The following ZNF460 variants were observed in gnomAD, a reference collection of about 807,000 sequenced individuals.
ZNF460 encodes zinc finger protein 272.
In ZNF460, 1 loss-of-function variant was observed where a neutral mutation model predicts 8.4. The observed-to-expected ratio is 0.12, with a 90% CI of 0.04 to 0.56. The LOEUF is 0.56. Ranked by LOEUF, ZNF460 falls within the 20% of genes least tolerant of loss-of-function variation. The probability of loss-of-function intolerance (pLI) is 0.91; values close to 1 mark genes in which losing one functional copy is unlikely to be tolerated. For synonymous variants in ZNF460, 262 were observed against 259.9 expected, an observed-to-expected ratio of 1.01 and a Z score of -0.08; for missense variants, 477 against 714.8, an observed-to-expected ratio of 0.67 and a Z score of 3.79.
At chr19:57,281,255 G>T (rs548096497) in intron 1 of ZNF460, among the ~76,000 whole-genome samples, 7 of 152,016 alleles carry the variant, frequency 4.6e-5, no homozygotes, top group Admixed American at 2.6e-4. Flanking sequence ...TTCGAACACT[G>T]CCCCTGTAAC....
chr19:57,290,544 C>T (rs2122895015), intron 2 of ZNF460, among the ~76,000 whole-genome samples, 155 bp from the exon 3 acceptor site: 1 of 152,350 alleles, frequency 6.6e-6, no homozygotes, highest in African/African-American at 2.4e-5. Flanking sequence ...TCCCAAAGTG[C>T]TGGGATTACA....
rs1221377419 is a variant in ZNF460, at chr19:57,292,773, G to A, written c.*543G>A. On this transcript the variant is annotated 3_prime_UTR_variant, in exon 3 of 3. Coordinates refer to ENST00000360338, the MANE Select transcript of ZNF460 (RefSeq NM_006635.4). ...TATACATTCACTGCTGTCCAGTGCT[G>A]TAGACAAACGGTTTGTTTGAAAACA... is the stretch of plus-strand genomic sequence containing the variant. 1 of 153,280 alleles carries A rather than the reference G, an allele frequency of 6.5e-6. No homozygotes were observed. Among genetic ancestry groups the A allele is most frequent in the Admixed American group, 6.5e-5 (1 of 15,474 alleles). The allele number at this position is 153,280 out of a possible 1,614,324, so 9.5% of individuals were successfully genotyped here. A position where few individuals can be genotyped will look rare whatever the true frequency, so the allele number is the denominator to read the frequency against.
intron 2 of ZNF460, 147 bp downstream of exon 2, chr19:57,284,824 T>TTC: frequency 6.3e-6 from 6 of 945,780 alleles, no homozygotes; most frequent in Non-Finnish European, 7.0e-6. Flanking sequence ...TTTTTTTTTT[T>TTC]TTTTTTTTGG....
rs142152412 is a variant in ZNF460, at chr19:57,283,957, G to A, written c.31-594G>A. Among the ~76,000 whole-genome samples the A allele has an allele frequency of 7.2e-5, 11 of 152,202 alleles. No homozygotes were observed. In the East Asian group the frequency reaches 2.1e-3, roughly 29 times the overall value. On this transcript the variant is annotated intron_variant, in intron 1 of 2. Coordinates refer to ENST00000360338, the MANE Select transcript of ZNF460 (RefSeq NM_006635.4). Reference sequence around the variant, plus strand: ...AGGAGTCTGGCTCCTGAGCTGGGGAGTTTCAGTCACTTTACCATGGCATGT... The same window carrying A: ...AGGAGTCTGGCTCCTGAGCTGGGGAATTTCAGTCACTTTACCATGGCATGT...
intron 1 of ZNF460, among the ~76,000 whole-genome samples, chr19:57,284,216 A>AT (rs370822197): frequency 9.1e-6 from 1 of 110,438 alleles, no homozygotes; most frequent in East Asian, 2.1e-4. Flanking sequence ...TTATTTATTT[A>AT]TTTTTTATTT....
upstream of ZNF460, chr19:57,280,417 GC>G: frequency 3.9e-6 from 1 of 257,604 alleles, no homozygotes; most frequent in South Asian, 4.6e-5. Context: ...TTTTCTGCGG[GC>G]CAGGGCGGCG....
intron 1 of ZNF460, among the ~76,000 whole-genome samples, chr19:57,281,605 G>T (rs1425864416): frequency 8.8e-6 from 1 of 113,184 alleles, no homozygotes; most frequent in Non-Finnish European, 1.6e-5. Context: ...TTGTTCTGTC[G>T]CCCAGGCTGG....
rs961753736 is a variant in ZNF460, at chr19:57,293,943, T to G, written c.*1713T>G. 2 of 152,204 alleles carry G rather than the reference T, an allele frequency of 1.3e-5. No individual in the cohort carries two copies. Among genetic ancestry groups the G allele is most frequent in the Admixed American group, 6.5e-5 (1 of 15,268 alleles). The allele number at this position is 152,204 out of a possible 1,614,324, so 9.4% of individuals were successfully genotyped here. On this transcript the variant is annotated 3_prime_UTR_variant, in exon 3 of 3. Transcript: ENST00000360338. Reference sequence around the variant, plus strand: ...GACAGGTTTATTTTTCATGGCTGAGTAGTATTCCATTGTGTATATATGCCA... The same window carrying G: ...GACAGGTTTATTTTTCATGGCTGAGGAGTATTCCATTGTGTATATATGCCA...
chr19:57,280,184 T>A (rs1465679042), upstream of ZNF460: 5 of 152,368 alleles, frequency 3.3e-5, no homozygotes, highest in African/African-American at 4.8e-5. Context: ...TGACCTCGAT[T>A]TTCCTGAGCT....
intron 1 of ZNF460, among the ~76,000 whole-genome samples, chr19:57,282,321 C>T (rs920099951): frequency 6.6e-6 from 1 of 152,120 alleles, no homozygotes; most frequent in Non-Finnish European, 1.5e-5. Flanking sequence ...TCCAGATGGG[C>T]CCATATTGTC....
chr19:57,287,019 A>G (rs1254239245), intron 2 of ZNF460, among the ~76,000 whole-genome samples: 2 of 151,762 alleles, frequency 1.3e-5, no homozygotes, highest in African/African-American at 4.8e-5. Context: ...TATAAACCCA[A>G]GTAACTACCA....
Position 57,290,679 on chromosome 19 carries a change from G to T in ZNF460, c.158-20G>T. The T allele has an allele frequency of 6.3e-7, 1 of 1,591,460 alleles. No individual in the cohort carries two copies. Among genetic ancestry groups the T allele is most frequent in the Non-Finnish European group, 8.6e-7 (1 of 1,169,032 alleles). On this transcript the variant is annotated intron_variant, in intron 2 of 2. Transcript: ENST00000360338. ...CTGTACTATCTTAATAAGTTCTTTT[G>T]TGTATTGTGTTCCCTTCAGGTGACA...
At chr19:57,289,848 A>G (rs2087904081) in intron 2 of ZNF460, among the ~76,000 whole-genome samples, 1 of 152,080 alleles carries the variant, frequency 6.6e-6, no homozygotes, top group Non-Finnish European at 1.5e-5. Flanking sequence ...TTTTAAAAAT[A>G]CAAAAAATTT....
chr19:57,286,167 T>C (rs1394944044), intron 2 of ZNF460, among the ~76,000 whole-genome samples: 1 of 152,246 alleles, frequency 6.6e-6, no homozygotes, highest in Non-Finnish European at 1.5e-5. Context: ...GTTGAATGTT[T>C]GTGGCAACCC....
intron 2 of ZNF460, among the ~76,000 whole-genome samples, chr19:57,289,190 C>G (rs1158509876): frequency 6.6e-6 from 1 of 152,042 alleles, no homozygotes; most frequent in Non-Finnish European, 1.5e-5. Flanking sequence ...TTTTCGCCTA[C>G]CTTTCACCTT....
chr19:57,282,787 CAAGACCAG>C (rs2087848958), intron 1 of ZNF460, among the ~76,000 whole-genome samples: 1 of 151,934 alleles, frequency 6.6e-6, no homozygotes, highest in Non-Finnish European at 1.5e-5. Flanking sequence ...CCCAGGAGTT[CAAGACCAG>C]CCTGGGCAAC....
intron 2 of ZNF460, 138 bp downstream of exon 2, chr19:57,284,815 T>A: frequency 3.5e-6 from 2 of 566,680 alleles, no homozygotes; most frequent in Non-Finnish European, 4.8e-6. Flanking sequence ...TTTACTCTAT[T>A]TTTTTTTTTT....
At chr19:57,281,854 G>A (rs1406321183) in intron 1 of ZNF460, 1 of 152,000 alleles carries the variant, frequency 6.6e-6, no homozygotes, top group African/African-American at 2.4e-5. Flanking sequence ...TTTAGAATTA[G>A]GTTCTGTTGT....
At chr19:57,289,185 GCCTA>G (rs1467623172) in intron 2 of ZNF460, among the ~76,000 whole-genome samples, 1 of 151,668 alleles carries the variant, frequency 6.6e-6, no homozygotes, top group Non-Finnish European at 1.5e-5. Context: ...TAGCCTTTTC[GCCTA>G]CCTTTCACCT....
Sources: allele counts gnomAD v4.1 joint callset (sites outside exome capture counted in the v4.1 genomes callset), GRCh38; gene constraint gnomAD v4.1.1; transcripts MANE v1.5; gene names NCBI Gene and HGNC (gene_info 2026-07-23, HGNC 2026-07-21).